The following ABCC8 variants were observed in gnomAD, a reference collection of about 807,000 sequenced individuals.
ABCC8 encodes ATP binding cassette subfamily C member 8.
ABCC8 carries 137 observed loss-of-function variants against 188.0 expected under a neutral mutation model. The observed-to-expected ratio is 0.73, with a 90% CI of 0.63 to 0.84. The LOEUF (loss-of-function observed/expected upper bound fraction) is 0.84. ABCC8 is among the 40% of genes least tolerant of loss of function. The pLI is 0.00. For synonymous variants in ABCC8, 797 were observed against 846.5 expected, an observed-to-expected ratio of 0.94 and a Z score of 1.01; for missense variants, 1,750 against 2,072.7, an observed-to-expected ratio of 0.84 and a Z score of 3.02.
Position 17,402,736 on chromosome 11 carries a change from TC to T in ABCC8, c.3574del (p.Asp1192MetfsTer16), listed in dbSNP as rs1057516317. ...GAGAAGTGGAAGCTGGGTGGTGTCA[TC>T]CAGCTGCTGCAGGTCCCTGTGGCGG... ...RVASRDLQQL[D>X]DTTQLPLLSH... is the part of the protein sequence containing the mutation. On this transcript the variant is annotated frameshift_variant, in exon 29 of 39. Coordinates refer to ENST00000389817, the MANE Select transcript of ABCC8 (RefSeq NM_000352.6). LOFTEE classifies it high-confidence loss of function. 7 of 1,614,098 alleles carry T rather than the reference TC, an allele frequency of 4.3e-6. No individual in the cohort carries two copies. In the Admixed American group the frequency reaches 1.0e-4, roughly 23 times the overall value.
chr11:17,450,246 T>TC (rs1554936922), intron 7 of ABCC8, among the ~76,000 whole-genome samples: 49 of 67,950 alleles, frequency 7.2e-4, no homozygotes, highest in Non-Finnish European at 8.8e-4. Context: ...TCTTTTCTTT[T>TC]TCTTTCTTTC....
Position 17,404,120 on chromosome 11 carries a change from TATC to T in ABCC8, c.3557+389_3557+391del, listed in dbSNP as rs1326078404. 1.3e-5 allele frequency among the ~76,000 whole-genome samples: 2 copies of T among 152,172 alleles called. No individual in the cohort carries two copies. The highest frequency in any genetic ancestry group is 4.8e-5 in the African/African-American group (2 of 41,436). On this transcript the variant is annotated intron_variant, in intron 28 of 38. Transcript: ENST00000389817. This position sits in a 1 kb window ranked among gnomAD's most constrained non-coding sequence, Gnocchi z 4.7. ...TGGACTCACGTGGGCTGGGAGGTGT[TATC>T]ATAACACTGCTTGAATCAGGTGCCC...
At chr11:17,416,017 G>T (rs911788689) in intron 17 of ABCC8, among the ~76,000 whole-genome samples, 9 of 152,208 alleles carry the variant, frequency 5.9e-5, no homozygotes, top group Admixed American at 1.3e-4. Context: ...ATGCCATGAG[G>T]TCTGATTTTT....
intron 6 of ABCC8, 62 bp downstream of exon 6, chr11:17,460,426 A>G (rs1372761610): frequency 6.2e-7 from 1 of 1,611,204 alleles, no homozygotes; most frequent in African/African-American, 1.3e-5. Flanking sequence ...GGCCTGTTGC[A>G]CTCTCAGAAA....
intron 2 of ABCC8, among the ~76,000 whole-genome samples, chr11:17,471,919 A>C (rs1164056746): frequency 2.0e-5 from 3 of 152,236 alleles, no homozygotes; most frequent in Non-Finnish European, 4.4e-5. Context: ...CTAATATAGA[A>C]GGTACAAGAC....
intron 2 of ABCC8, among the ~76,000 whole-genome samples, chr11:17,473,511 G>A (rs917017638): frequency 6.6e-6 from 1 of 152,116 alleles, no homozygotes; most frequent in African/African-American, 2.4e-5. Context: ...AGCACTGCAG[G>A]AGTGCAGTCT....
chr11:17,426,808 C>T (rs1238527856), intron 16 of ABCC8, among the ~76,000 whole-genome samples: 1 of 152,108 alleles, frequency 6.6e-6, no homozygotes, highest in Non-Finnish European at 1.5e-5. Context: ...CAGTATGGAC[C>T]TTGTTAGTTA....
In ABCC8 at chr11:17,397,426, C is replaced by T. The variant is rs1274815783; in HGVS notation, c.3868-113G>A. The T allele has an allele frequency of 1.9e-6, 3 of 1,553,882 alleles. No individual in the cohort carries two copies. In the African/African-American group the frequency reaches 4.1e-5, roughly 21 times the overall value. ...GGGCCAGGGCCCCAGATTCCTTTTGCTGCCATCCACTGCCTGCTCAGAGCA... is the reference window on the plus strand; with the variant it reads ...GGGCCAGGGCCCCAGATTCCTTTTGTTGCCATCCACTGCCTGCTCAGAGCA... On this transcript the variant is annotated intron_variant, in intron 31 of 38. Transcript: ENST00000389817.
intron 3 of ABCC8, 71 bp downstream of exon 3, chr11:17,470,030 A>T: frequency 6.4e-7 from 1 of 1,573,566 alleles, no homozygotes; most frequent in South Asian, 1.1e-5. Context: ...CTGGCACATA[A>T]TGAGTCCTCA....
At chr11:17,401,723 G>C (rs1000034444) in intron 29 of ABCC8, among the ~76,000 whole-genome samples, 1 of 152,194 alleles carries the variant, frequency 6.6e-6, no homozygotes, top group Non-Finnish European at 1.5e-5. Context: ...GACTGGAAGA[G>C]AGATGCCTCT....
intron 3 of ABCC8, among the ~76,000 whole-genome samples, chr11:17,469,219 G>A (rs995712601): frequency 8.6e-5 from 13 of 152,000 alleles, no homozygotes; most frequent in African/African-American, 3.1e-4. Context: ...AGCCTCCTGA[G>A]TACCTGGGAC....
intron 16 of ABCC8, among the ~76,000 whole-genome samples, chr11:17,422,292 A>T (rs552136841): frequency 6.6e-6 from 1 of 152,312 alleles, no homozygotes; most frequent in South Asian, 2.1e-4. Context: ...CACTATAAGG[A>T]GCTGCAGACT....
chr11:17,393,312 T>G, intron 38 of ABCC8, 184 bp from the exon 39 acceptor site: 2 of 813,524 alleles, frequency 2.5e-6, no homozygotes, highest in Non-Finnish European at 3.9e-6. Context: ...CATCTGCTAA[T>G]ACCACCCTTC....
At chr11:17,408,216 C>A in intron 23 of ABCC8, 176 bp downstream of exon 23, 1 of 611,520 alleles carries the variant, frequency 1.6e-6, no homozygotes, top group South Asian at 2.1e-5. Context: ...CTGCCCTGGG[C>A]ACCTGGCACA....
At chr11:17,415,159 G>T in intron 18 of ABCC8, 145 bp downstream of exon 18, 3 of 1,133,446 alleles carry the variant, frequency 2.6e-6, no homozygotes, top group Non-Finnish European at 3.8e-6. Context: ...GAGCCACCTG[G>T]TGGAGCACAG....
chr11:17,417,654 A>T (rs1186483387), intron 16 of ABCC8, among the ~76,000 whole-genome samples: 1 of 152,160 alleles, frequency 6.6e-6, no homozygotes, highest in East Asian at 1.9e-4. Context: ...CATTTGGGGG[A>T]AAAAATCTGC....
At chr11:17,425,253 C>G (rs1047512318) in intron 16 of ABCC8, among the ~76,000 whole-genome samples, 4 of 152,076 alleles carry the variant, frequency 2.6e-5, no homozygotes, top group Non-Finnish European at 5.9e-5. Context: ...GATGGGAAAC[C>G]CAAGGGGCTC....
rs575785909 is a variant in ABCC8 at position 17,394,913 on chromosome 11, A to G, written c.4411+259T>C. 2.6e-5 allele frequency among the ~76,000 whole-genome samples: 4 copies of G among 152,182 alleles called. No individual in the cohort carries two copies. The East Asian group carries it at 5.8e-4, about 22-fold the overall frequency. Reference sequence around the variant, plus strand: ...GCCCCCTTGGCATGGGGGACTCGCAATCTCTGTCTCACAAGGATCCCTGAC... The same window carrying G: ...GCCCCCTTGGCATGGGGGACTCGCAGTCTCTGTCTCACAAGGATCCCTGAC... On this transcript the variant is annotated intron_variant, in intron 36 of 38. Transcript: ENST00000389817.
chr11:17,451,131 C>A (rs1056522709), intron 7 of ABCC8, among the ~76,000 whole-genome samples: 2 of 152,130 alleles, frequency 1.3e-5, no homozygotes, highest in African/African-American at 2.4e-5. Flanking sequence ...GCTCTTTTGG[C>A]ATAATTGGAA....
Sources: gnomAD v4.1 joint callset for allele counts (sites outside exome capture counted in the v4.1 genomes callset) on GRCh38, gnomAD v4.1.1 for gene constraint, Gnocchi (gnomAD v3.1) non-coding constraint, MANE v1.5 for transcripts, NCBI Gene and HGNC (gene_info 2026-07-23, HGNC 2026-07-21) for gene names.